The following PTBP3 variants were observed in gnomAD, a reference collection of about 807,000 sequenced individuals.
The protein encoded by PTBP3 is polypyrimidine tract binding protein 3, also known as polypyrimidine tract-binding protein 3.
In PTBP3, 20 loss-of-function variants were observed where a neutral mutation model predicts 58.7. That is an observed-to-expected ratio of 0.34 (90% CI 0.24 to 0.50). The LOEUF (loss-of-function observed/expected upper bound fraction) is 0.50. PTBP3 is among the 20% of genes least tolerant of loss of function. The probability of loss-of-function intolerance (pLI) is 0.98; values close to 1 mark genes in which losing one functional copy is unlikely to be tolerated. For missense variants in PTBP3, 509 were observed against 637.2 expected (o/e 0.80, Z 2.17); for synonymous variants, 185 against 219.8 (o/e 0.84, Z 1.40).
chr9:112,254,488 T>A (rs1364791843), intron 5 of PTBP3, among the ~76,000 whole-genome samples: 1 of 152,156 alleles, frequency 6.6e-6, no homozygotes, highest in Non-Finnish European at 1.5e-5. Flanking sequence ...TATATGATAA[T>A]GGGTTAAGAT....
chr9:112,270,316 G>A (rs1827322188), intron 3 of PTBP3, among the ~76,000 whole-genome samples: 1 of 152,120 alleles, frequency 6.6e-6, no homozygotes, highest in African/African-American at 2.4e-5. Flanking sequence ...ATATGTAAAG[G>A]TATTTCCTGT....
the PTBP3 span, among the ~76,000 whole-genome samples, chr9:112,367,159 A>C: frequency 6.6e-6 from 1 of 152,316 alleles, no homozygotes; most frequent in South Asian, 2.1e-4. Context: ...TTGATGTTAC[A>C]ATTTGTATGT....
At chr9:112,347,589 T>C in the PTBP3 span, among the ~76,000 whole-genome samples, 1 of 152,168 alleles carries the variant, frequency 6.6e-6, no homozygotes, top group African/African-American at 2.4e-5. Context: ...GTGATCCACC[T>C]GTCTTGGCCT....
chr9:112,228,519 G>A (rs757153990), intron 10 of PTBP3, 47 bp from the exon 11 acceptor site: 6 of 1,321,096 alleles, frequency 4.5e-6, no homozygotes, highest in African/African-American at 4.5e-5. Context: ...TGATTGTGTT[G>A]TGTTTAATTA....
intron 7 of PTBP3, among the ~76,000 whole-genome samples, chr9:112,236,468 G>A (rs1835442639): frequency 6.6e-6 from 1 of 152,022 alleles, no homozygotes; most frequent in South Asian, 2.1e-4. Context: ...AGAAAACACT[G>A]TATTAAAGGC....
Position 112,223,980 on chromosome 9 carries a change from T to C in PTBP3, c.1446A>G (p.Lys482=), listed in dbSNP as rs1834890649. ...CSVKAFKFFQ[K]DRKMALIQLG... Reference sequence around the variant, plus strand: ...ATTGAATGAGCGCCATTTTGCGATCTTTCCTGAAAATGGTATAAGAAATAC... The same window carrying C: ...ATTGAATGAGCGCCATTTTGCGATCCTTCCTGAAAATGGTATAAGAAATAC... The change falls in exon 14 of 14, where the codon AAA becomes AAG. Residue 482 remains lysine, a synonymous_variant. Transcript: ENST00000374257. 1.2e-6 allele frequency: 2 copies of C among 1,610,764 alleles called. No homozygotes were observed. The highest frequency in any genetic ancestry group is 2.2e-5 in the East Asian group (1 of 44,798).
chr9:112,355,952 TTCTTTC>T, the PTBP3 span, among the ~76,000 whole-genome samples: 6 of 151,304 alleles, frequency 4.0e-5, no homozygotes, highest in African/African-American at 4.9e-5. Flanking sequence ...TTTTCTTTCT[TTCTTTC>T]TCTTTCTCTT....
chr9:112,280,790 T>C (rs1231302424), intron 2 of PTBP3, among the ~76,000 whole-genome samples: 6 of 148,872 alleles, frequency 4.0e-5, no homozygotes, highest in Non-Finnish European at 7.5e-5. Context: ...TGTGTGCATA[T>C]ATATATATAT....
At chr9:112,306,990 A>ATT (rs969286730) in intron 1 of PTBP3, among the ~76,000 whole-genome samples, 24 of 152,322 alleles carry the variant, frequency 1.6e-4, no homozygotes, top group African/African-American at 5.3e-4. Flanking sequence ...AAAATAAACA[A>ATT]TTACATTTGA....
In PTBP3 at chr9:112,224,176, A is replaced by G; in HGVS notation, c.1399T>C (p.Phe467Leu). Residue 467 changes from phenylalanine to leucine, a missense_variant, in exon 13 of 14, where the codon TTC becomes CTC. This residue lies in a region of PTBP3 where 135 missense variants were observed against 229.0 expected (regional missense o/e 0.59). Transcript: ENST00000374257. ...SVTVDDLKNL[F>L]IEAGCSVKAF... ...TTCACTGAACATCCAGCTTCTATGA[A>G]AAGGTTCTTCAGATCATCCACTGTA... is the stretch of plus-strand genomic sequence containing the variant. 6.4e-7 allele frequency: 1 copy of G among 1,570,508 alleles called. No homozygotes were observed. Among genetic ancestry groups the G allele is most frequent in the Non-Finnish European group, 8.6e-7 (1 of 1,165,816 alleles).
At position 112,262,408 on chromosome 9, in the gene PTBP3, T is replaced by A; in HGVS notation, c.516+27A>T. The stretch of plus-strand genomic sequence containing the variant: ...TTCAGAGGCCATATTTAACTTAACT[T>A]TCTTAAGGGTATTTATTCCTCCTTA... On this transcript the variant is annotated intron_variant, in intron 5 of 13. Transcript: ENST00000374257. 3 of 1,529,040 alleles carry A rather than the reference T, an allele frequency of 2.0e-6. No homozygotes were observed. The South Asian group carries it at 4.0e-5, about 20-fold the overall frequency. 94.7% of individuals were successfully genotyped at this position (1,529,040 alleles called of 1,614,324 possible).
At chr9:112,256,369 C>A (rs1589830238) in intron 5 of PTBP3, among the ~76,000 whole-genome samples, 1 of 148,872 alleles carries the variant, frequency 6.7e-6, no homozygotes, top group African/African-American at 2.4e-5. Context: ...TAACTGTCTC[C>A]TTTCATTAGA....
At chr9:112,247,986 T>C (rs1229402161) in intron 7 of PTBP3, among the ~76,000 whole-genome samples, 1 of 152,134 alleles carries the variant, frequency 6.6e-6, no homozygotes, top group Non-Finnish European at 1.5e-5. Flanking sequence ...TAAGTAAATA[T>C]GGCATGATAT....
intron 2 of PTBP3, among the ~76,000 whole-genome samples, chr9:112,285,622 A>G (rs1828077705): frequency 6.6e-6 from 1 of 152,238 alleles, no homozygotes; most frequent in Non-Finnish European, 1.5e-5. Context: ...TCAACTGTGC[A>G]GTTACGGCAT....
intron 6 of PTBP3, among the ~76,000 whole-genome samples, chr9:112,251,469 C>T (rs933892512): frequency 1.3e-5 from 2 of 152,060 alleles, no homozygotes; most frequent in African/African-American, 4.8e-5. Flanking sequence ...ATTTTACATT[C>T]CACTTTAATT....
chr9:112,375,640 A>G, the PTBP3 span, among the ~76,000 whole-genome samples: 2 of 152,084 alleles, frequency 1.3e-5, no homozygotes, highest in Non-Finnish European at 2.9e-5. Context: ...GGAGACCATG[A>G]GCATTTGAGC....
chr9:112,231,974 GAGAAGAGAAGAGAAGAGAAGAGA>G (rs1564391444), intron 9 of PTBP3, 102 bp downstream of exon 9: 63 of 383,206 alleles, frequency 1.6e-4, no homozygotes, highest in African/African-American at 5.1e-4. Flanking sequence ...GAAGAGAGAA[GAGAAGAGAAGAGAAGAGAAGAGA>G]AGAGAAGAGA....
intron 1 of PTBP3, among the ~76,000 whole-genome samples, chr9:112,304,546 A>G (rs1032878264): frequency 1.3e-5 from 2 of 152,118 alleles, no homozygotes; most frequent in Non-Finnish European, 2.9e-5. Flanking sequence ...AGCTTTCTCC[A>G]TGTTGTTAGT....
the PTBP3 span, among the ~76,000 whole-genome samples, chr9:112,379,590 A>T: frequency 1.3e-5 from 2 of 152,230 alleles, no homozygotes; most frequent in Non-Finnish European, 2.9e-5. Context: ...GGAGAGTGGA[A>T]ACGCGACGCT....
Sources: gnomAD v4.1 joint callset for allele counts (sites outside exome capture counted in the v4.1 genomes callset) on GRCh38, gnomAD v4.1.1 for gene constraint, gnomAD v4.1.1 regional missense constraint, MANE v1.5 for transcripts, NCBI Gene and HGNC (gene_info 2026-07-23, HGNC 2026-07-21) for gene names.